Variants in UMAD1 observed in about 807,000 individuals in gnomAD.
The protein encoded by UMAD1 is UBAP1-MVB12-associated (UMA) domain containing 1, also known as UBAP1-MVB12-associated (UMA)-domain containing protein 1.
UMAD1 carries 8 observed loss-of-function variants against 6.1 expected under a neutral mutation model. That is an observed-to-expected ratio of 1.30 (90% confidence interval 0.76 to 2.35). The LOEUF (loss-of-function observed/expected upper bound fraction) is 2.35. Among genes scored for constraint, UMAD1 ranks in the 30% most tolerant of loss-of-function variants. UMAD1 has a pLI of 0.00. For missense variants in UMAD1, 130 were observed against 78.4 expected, an observed-to-expected ratio of 1.66 and a Z score of -2.49; for synonymous variants, 56 against 31.4, an observed-to-expected ratio of 1.78 and a Z score of -2.61.
At chr7:7,711,966 G>C (rs1472962911) in intron 2 of UMAD1, among the ~76,000 whole-genome samples, 1 of 151,504 alleles carries the variant, frequency 6.6e-6, no homozygotes, top group Non-Finnish European at 1.5e-5. Flanking sequence ...ATTTTTTTTT[G>C]TAGGGATAAC....
intron 2 of UMAD1, among the ~76,000 whole-genome samples, chr7:7,770,436 A>C (rs1300276686): frequency 2.0e-5 from 3 of 152,070 alleles, no homozygotes; most frequent in Non-Finnish European, 2.9e-5. Context: ...TGGCATAAAA[A>C]CACCACTGTT....
intron 2 of UMAD1, among the ~76,000 whole-genome samples, chr7:7,730,112 A>G (rs1213888555): frequency 1.3e-5 from 2 of 152,052 alleles, no homozygotes; most frequent in Admixed American, 6.6e-5. Context: ...AAAAATCACA[A>G]CTGTCATATG....
intron 2 of UMAD1, among the ~76,000 whole-genome samples, chr7:7,791,787 T>C (rs1271172037): frequency 1.3e-5 from 2 of 152,234 alleles, no homozygotes; most frequent in Non-Finnish European, 2.9e-5. Flanking sequence ...TGCTTAACTA[T>C]TCAGTGTGGC....
intron 2 of UMAD1, chr7:7,772,363 A>C (rs563745507): frequency 1.3e-5 from 2 of 152,230 alleles, no homozygotes; most frequent in Non-Finnish European, 2.9e-5. Context: ...TGTTCTTTGC[A>C]GTCATTCTTT....
intron 2 of UMAD1, among the ~76,000 whole-genome samples, chr7:7,688,162 A>AT (rs1253081927): frequency 6.6e-6 from 1 of 152,214 alleles, no homozygotes; most frequent in Non-Finnish European, 1.5e-5. Flanking sequence ...CATTCCCTGC[A>AT]TTACATCAGA....
intron 2 of UMAD1, among the ~76,000 whole-genome samples, chr7:7,759,815 C>T (rs1364688285): frequency 6.6e-6 from 1 of 152,132 alleles, no homozygotes; most frequent in African/African-American, 2.4e-5. Context: ...AAGACCATGA[C>T]ATATTCAGGG....
intron 3 of UMAD1, among the ~76,000 whole-genome samples, chr7:7,831,582 A>C (rs1047581570): frequency 6.6e-6 from 1 of 152,080 alleles, no homozygotes; most frequent in African/African-American, 2.4e-5. Context: ...ACGTGAACCA[A>C]GCTCCCCATT....
At chr7:7,666,476 G>A (rs968531499) in intron 1 of UMAD1, among the ~76,000 whole-genome samples, 8 of 151,998 alleles carry the variant, frequency 5.3e-5, no homozygotes, top group Admixed American at 4.6e-4. Context: ...CCAAAGTACT[G>A]GAATTACAGA....
chr7:7,670,785 C>G (rs1440243889), intron 1 of UMAD1, among the ~76,000 whole-genome samples: 1 of 152,204 alleles, frequency 6.6e-6, no homozygotes, highest in Non-Finnish European at 1.5e-5. Context: ...CAAAACCACT[C>G]CCATTTACAA....
At chr7:7,836,791 G>T (rs1415899306) in intron 3 of UMAD1, among the ~76,000 whole-genome samples, 1 of 151,758 alleles carries the variant, frequency 6.6e-6, no homozygotes, top group Non-Finnish European at 1.5e-5. Context: ...AGATCTGAAG[G>T]ATTACTCAGA....
intron 2 of UMAD1, among the ~76,000 whole-genome samples, chr7:7,794,739 G>T (rs913793991): frequency 5.9e-5 from 9 of 152,230 alleles, no homozygotes; most frequent in African/African-American, 2.2e-4. Flanking sequence ...CTTGACATAC[G>T]TTGAAATGGC....
chr7:7,716,671 C>T (rs751333708), intron 2 of UMAD1, among the ~76,000 whole-genome samples: 1 of 152,212 alleles, frequency 6.6e-6, no homozygotes, highest in Non-Finnish European at 1.5e-5. Flanking sequence ...GCGCGGCCGG[C>T]GCGGTGGCTC....
intron 2 of UMAD1, among the ~76,000 whole-genome samples, chr7:7,748,103 A>ATTTTTTTTTTTTTTTTT (rs35368211): frequency 2.9e-5 from 4 of 140,176 alleles, no homozygotes; most frequent in African/African-American, 5.6e-5. Flanking sequence ...CGCCCAGCTA[A>ATTTTTTTTTTTTTTTTT]TTTTTTTTTT....
At chr7:7,857,963 C>G (rs1396283243) in intron 3 of UMAD1, among the ~76,000 whole-genome samples, 1 of 152,124 alleles carries the variant, frequency 6.6e-6, no homozygotes. Context: ...GTGAAATGTC[C>G]TTATACTCTG....
chr7:7,643,908 C>A (rs1399179236), intron 1 of UMAD1, among the ~76,000 whole-genome samples: 2 of 152,088 alleles, frequency 1.3e-5, no homozygotes, highest in Non-Finnish European at 2.9e-5. Context: ...CTGCTTTATG[C>A]CCCTCAGTCA....
intron 2 of UMAD1, among the ~76,000 whole-genome samples, chr7:7,731,085 G>A (rs1203127550): frequency 1.3e-5 from 2 of 152,136 alleles, no homozygotes; most frequent in Admixed American, 6.5e-5. Context: ...TGCAACCTCC[G>A]CCTCCCGGGT....
intron 1 of UMAD1, among the ~76,000 whole-genome samples, chr7:7,667,129 C>G (rs1677449261): frequency 6.6e-6 from 1 of 152,176 alleles, no homozygotes; most frequent in Admixed American, 6.5e-5. Flanking sequence ...TTCTTTATCC[C>G]CCACCTGTAT....
At chr7:7,738,386 G>A (rs1412274517) in intron 2 of UMAD1, 1 of 152,186 alleles carries the variant, frequency 6.6e-6, no homozygotes, top group Non-Finnish European at 1.5e-5. Context: ...TGGATAACTT[G>A]CTGCGGTATT....
chr7:7,789,387 T>A (rs1310999118), intron 2 of UMAD1, among the ~76,000 whole-genome samples: 1 of 147,718 alleles, frequency 6.8e-6, no homozygotes, highest in Non-Finnish European at 1.5e-5. Flanking sequence ...ATGAAAACAA[T>A]TGTTAGAACA....
Sources: allele counts gnomAD v4.1 joint callset (sites outside exome capture counted in the v4.1 genomes callset), GRCh38; gene constraint gnomAD v4.1.1; transcripts MANE v1.5; gene names NCBI Gene and HGNC (gene_info 2026-07-23, HGNC 2026-07-21).